ATPAF1: variants seen among roughly 807,000 people sequenced by gnomAD.
ATPAF1 encodes homolog of yeast ATP11.
A neutral mutation model predicts 43.9 loss-of-function variants in ATPAF1; 26 were observed. The ratio of observed to expected loss-of-function variants is 0.59; its 90% confidence interval spans 0.43 to 0.82. The LOEUF (loss-of-function observed/expected upper bound fraction) is 0.82, where lower values mean the gene tolerates loss of function less well. Among genes scored for constraint, ATPAF1 ranks in the 40% least tolerant of loss-of-function variants. The pLI is 0.00. For missense variants in ATPAF1, 366 were observed against 435.0 expected (o/e 0.84, Z 1.41); for synonymous variants, 157 against 168.0 (o/e 0.93, Z 0.50).
chr1:46,658,892 A>G (rs1228627849), intron 2 of ATPAF1, among the ~76,000 whole-genome samples, 155 bp from the exon 3 acceptor site: 1 of 152,150 alleles, frequency 6.6e-6, no homozygotes, highest in African/African-American at 2.4e-5. Flanking sequence ...TTTTAACACT[A>G]TTTTAAAAAT....
intron 4 of ATPAF1, 106 bp downstream of exon 4, chr1:46,658,021 T>C: frequency 7.2e-6 from 8 of 1,116,358 alleles, no homozygotes; most frequent in Non-Finnish European, 1.1e-5. Flanking sequence ...CCTTTTATTA[T>C]TACCTTTCAT....
chr1:46,666,983 G>A (rs548688052), intron 1 of ATPAF1, among the ~76,000 whole-genome samples: 1 of 152,344 alleles, frequency 6.6e-6, no homozygotes, highest in South Asian at 2.1e-4. Flanking sequence ...AACGAGAGAA[G>A]CCTGGAGGGG....
At position 46,665,642 on chromosome 1, in the gene ATPAF1, C is replaced by T. The variant is rs146883766; in HGVS notation, c.267-278G>A. 6.9e-5 allele frequency: 105 copies of T among 1,532,732 alleles called. No individual in the cohort carries two copies. The African/African-American group carries it at 1.4e-3, about 20-fold the overall frequency. 94.9% of individuals were successfully genotyped at this position (1,532,732 alleles called of 1,614,324 possible). The stretch of plus-strand genomic sequence containing the variant: ...TACACAGGGCTTAGTCTCTCAGGTA[C>T]TTACATTCAGGGTACTTAGAATTTT... On this transcript the variant is annotated intron_variant, in intron 1 of 8. Transcript: ENST00000574428.
chr1:46,654,547 T>TTA (rs1676230003), intron 4 of ATPAF1, among the ~76,000 whole-genome samples: 1 of 148,224 alleles, frequency 6.7e-6, no homozygotes, highest in Non-Finnish European at 1.5e-5. Flanking sequence ...ATTATTATTA[T>TTA]TATTATTATT....
intron 7 of ATPAF1, among the ~76,000 whole-genome samples, chr1:46,643,741 C>G (rs1675989414): frequency 6.6e-6 from 1 of 152,184 alleles, no homozygotes; most frequent in South Asian, 2.1e-4. Context: ...GCAGGAGCTG[C>G]AGAGTTTGCA....
chr1:46,654,982 C>T (rs924605633), intron 4 of ATPAF1, among the ~76,000 whole-genome samples: 2 of 152,096 alleles, frequency 1.3e-5, no homozygotes, highest in African/African-American at 4.8e-5. Context: ...CACAGTTCCA[C>T]AGGGCTGGGA....
At chr1:46,652,697 T>C in intron 5 of ATPAF1, 69 bp from the exon 6 acceptor site, 1 of 1,317,040 alleles carries the variant, frequency 7.6e-7, no homozygotes, top group Non-Finnish European at 1.1e-6. Flanking sequence ...TCACATGTAA[T>C]TCACCAAGAC....
At chr1:46,652,603 T>C in exon 6 of ATPAF1, 1 of 1,613,404 alleles carries the variant, frequency 6.2e-7, no homozygotes, top group South Asian at 1.1e-5. Flanking sequence ...CTGAGCCCGG[T>C]TCCAGATCAA....
chr1:46,639,796 A>G (rs938895604), intron 8 of ATPAF1, among the ~76,000 whole-genome samples: 5 of 152,220 alleles, frequency 3.3e-5, no homozygotes, highest in African/African-American at 9.6e-5. Flanking sequence ...GTTGATTTAT[A>G]CAAGGCAAAT....
exon 8 of ATPAF1, chr1:46,643,244 C>G: frequency 6.2e-7 from 1 of 1,613,940 alleles, no homozygotes; most frequent in South Asian, 1.1e-5. Flanking sequence ...CCCTTTTCTT[C>G]CTTAAGTTCA....
chr1:46,639,235 T>TACATACAC (rs1675902127), intron 8 of ATPAF1, among the ~76,000 whole-genome samples: 1 of 150,994 alleles, frequency 6.6e-6, no homozygotes, highest in Non-Finnish European at 1.5e-5. Context: ...TATACACACA[T>TACATACAC]ACACACACAC....
At chr1:46,644,120 C>T (rs566768492) in intron 7 of ATPAF1, among the ~76,000 whole-genome samples, 3 of 152,272 alleles carry the variant, frequency 2.0e-5, no homozygotes, top group Non-Finnish European at 2.9e-5. Flanking sequence ...ATACTAATCA[C>T]TTTTATTGTA....
chr1:46,654,860 G>A (rs1019831663), intron 4 of ATPAF1, among the ~76,000 whole-genome samples: 1 of 152,082 alleles, frequency 6.6e-6, no homozygotes, highest in African/African-American at 2.4e-5. Flanking sequence ...TCCCTGCAAA[G>A]GACATGAACT....
At position 46,653,352 on chromosome 1, in the gene ATPAF1, A is replaced by G. The variant is rs143360425; in HGVS notation, c.540+465T>C. ...GACCATCTCTAAGAATAATTTCAAG[A>G]AGGGAAAGACCAAGAAAATGCCACT... is the stretch of plus-strand genomic sequence containing the variant. On this transcript the variant is annotated intron_variant, in intron 5 of 8. Coordinates refer to ENST00000574428, the Ensembl canonical transcript of ATPAF1. The surrounding 1 kb of genome is among the most constrained non-coding windows in gnomAD (Gnocchi z 4.8). Among the ~76,000 whole-genome samples, 641 of 152,210 alleles carry G rather than the reference A, an allele frequency of 4.2e-3. 1 individual carries two copies. Among genetic ancestry groups the G allele is most frequent in the African/African-American group, 0.014 (589 of 41,542 alleles).
In ATPAF1 at chr1:46,643,190, T is replaced by C. The variant is rs1490624093; in HGVS notation, c.792+4A>G. ...TCCAAAGAGTTTTGCAAGTTAATTCTTACCAGAAATGTGGAATCCATTTCT... is the reference window on the plus strand; with the variant it reads ...TCCAAAGAGTTTTGCAAGTTAATTCCTACCAGAAATGTGGAATCCATTTCT... On this transcript the variant is annotated splice_donor_region_variant and intron_variant, in intron 8 of 8. Transcript: ENST00000574428. 1 of 1,608,078 alleles carries C rather than the reference T, an allele frequency of 6.2e-7. No homozygotes were observed. The highest frequency in any genetic ancestry group is 8.5e-7 in the Non-Finnish European group (1 of 1,174,972).
chr1:46,662,305 C>T (rs1311126635), intron 2 of ATPAF1, among the ~76,000 whole-genome samples: 2 of 152,080 alleles, frequency 1.3e-5, no homozygotes, highest in Non-Finnish European at 2.9e-5. Context: ...GACTTGTAAC[C>T]TTACTACTAT....
intron 2 of ATPAF1, among the ~76,000 whole-genome samples, chr1:46,659,106 G>T (rs181143738): frequency 6.6e-6 from 1 of 151,962 alleles, no homozygotes; most frequent in Non-Finnish European, 1.5e-5. Context: ...CAGGAGAACC[G>T]CTTGAACCCA....
At chr1:46,665,468 G>C in intron 1 of ATPAF1, 104 bp from the exon 2 acceptor site, 1 of 1,339,410 alleles carries the variant, frequency 7.5e-7, no homozygotes, top group South Asian at 1.3e-5. Flanking sequence ...CTGCCATTCA[G>C]AGAGGTTGAA....
chr1:46,656,903 C>T (rs1022010878), intron 4 of ATPAF1, among the ~76,000 whole-genome samples: 3 of 152,202 alleles, frequency 2.0e-5, no homozygotes, highest in African/African-American at 4.8e-5. Flanking sequence ...TGAGGATTCT[C>T]TCATTTATCT....
Sources: gnomAD v4.1 joint callset for allele counts (sites outside exome capture counted in the v4.1 genomes callset) on GRCh38, gnomAD v4.1.1 for gene constraint, Gnocchi (gnomAD v3.1) non-coding constraint, MANE v1.5 for transcripts, NCBI Gene and HGNC (gene_info 2026-07-23, HGNC 2026-07-21) for gene names.